Variants in ANO3 observed in about 807,000 individuals in gnomAD.
The protein encoded by ANO3 is anoctamin 3.
ANO3 carries 99 observed loss-of-function variants against 144.8 expected under a neutral mutation model. The observed-to-expected ratio is 0.68, with a 90% CI of 0.58 to 0.81. The LOEUF is 0.81. ANO3 is among the 30% of genes least tolerant of loss of function. The pLI, the probability that ANO3 is intolerant of heterozygous loss-of-function variation, is 0.00. For synonymous variants in ANO3, 414 were observed against 392.6 expected, an observed-to-expected ratio of 1.05 and a Z score of -0.64; for missense variants, 905 against 1,202.2, an observed-to-expected ratio of 0.75 and a Z score of 3.66.
chr11:26,323,084 T>G (rs1960495), intron 1 of ANO3, among the ~76,000 whole-genome samples: 1 of 152,072 alleles, frequency 6.6e-6, no homozygotes, highest in South Asian at 2.1e-4. Context: ...CTTTGACTGC[T>G]TTCATCAATT....
chr11:26,375,723 G>A (rs1335106340), intron 1 of ANO3, among the ~76,000 whole-genome samples: 1 of 152,122 alleles, frequency 6.6e-6, no homozygotes, highest in East Asian at 1.9e-4. Context: ...ATATGCATGA[G>A]GCAATAAGAG....
intron 17 of ANO3, among the ~76,000 whole-genome samples, chr11:26,621,785 T>C (rs990650184): frequency 6.6e-6 from 1 of 152,160 alleles, no homozygotes; most frequent in Non-Finnish European, 1.5e-5. Flanking sequence ...TTAATATATA[T>C]GAATAAGAGA....
intron 1 of ANO3, among the ~76,000 whole-genome samples, chr11:26,225,274 G>A (rs1347910660): frequency 6.6e-6 from 1 of 151,984 alleles, no homozygotes; most frequent in Non-Finnish European, 1.5e-5. Context: ...TATGATTTGT[G>A]AGCCCCTTTT....
At chr11:26,531,455 T>C in intron 8 of ANO3, 119 bp downstream of exon 8, 1 of 1,163,366 alleles carries the variant, frequency 8.6e-7, no homozygotes, top group Non-Finnish European at 1.2e-6. Context: ...AACTTATCAT[T>C]GTATTAAAAT....
At chr11:26,375,023 C>T (rs1429693922) in intron 1 of ANO3, among the ~76,000 whole-genome samples, 1 of 152,114 alleles carries the variant, frequency 6.6e-6, no homozygotes, top group Non-Finnish European at 1.5e-5. Context: ...GGATTACAGG[C>T]GTGAGCCACC....
At chr11:26,545,216 G>C (rs1471436117) in intron 11 of ANO3, among the ~76,000 whole-genome samples, 4 of 152,158 alleles carry the variant, frequency 2.6e-5, no homozygotes, top group East Asian at 1.9e-4. Flanking sequence ...GTGAGAGAAA[G>C]AGGGTGTTCA....
chr11:26,258,123 A>T (rs1590219739), intron 1 of ANO3, among the ~76,000 whole-genome samples: 1 of 152,278 alleles, frequency 6.6e-6, no homozygotes, highest in East Asian at 1.9e-4. Context: ...CTAATGTCAG[A>T]TTTCAGCAGA....
intron 7 of ANO3, among the ~76,000 whole-genome samples, chr11:26,528,070 T>C (rs1035643501): frequency 6.6e-6 from 1 of 152,156 alleles, no homozygotes; most frequent in African/African-American, 2.4e-5. Context: ...TGTGATATCT[T>C]GGATTTGCAA....
intron 4 of ANO3, among the ~76,000 whole-genome samples, chr11:26,504,806 A>G (rs1226138298): frequency 1.9e-4 from 4 of 20,728 alleles, no homozygotes; most frequent in Admixed American, 1.1e-3. Flanking sequence ...GGCAGATCAC[A>G]AAGTCAGGAG....
intron 13 of ANO3, chr11:26,559,277 G>A (rs527996269): frequency 1.3e-5 from 2 of 159,748 alleles, no homozygotes; most frequent in African/African-American, 4.8e-5. Flanking sequence ...GGTTAGCTAT[G>A]GGAAATGCTG....
chr11:26,580,747 G>A (rs566928098), intron 14 of ANO3, among the ~76,000 whole-genome samples: 3 of 152,150 alleles, frequency 2.0e-5, no homozygotes, highest in Non-Finnish European at 4.4e-5. Context: ...TAAGCTATGA[G>A]CATGGATCAT....
At chr11:26,598,051 T>G (rs1469157743) in intron 14 of ANO3, among the ~76,000 whole-genome samples, 2 of 152,186 alleles carry the variant, frequency 1.3e-5, no homozygotes, top group Non-Finnish European at 2.9e-5. Context: ...TAATTTTGAA[T>G]AAGCATATGC....
intron 1 of ANO3, among the ~76,000 whole-genome samples, chr11:26,207,369 T>C (rs763260193): frequency 6.6e-6 from 1 of 152,194 alleles, no homozygotes; most frequent in Non-Finnish European, 1.5e-5. Flanking sequence ...CAGCCATAAC[T>C]CTTTTCTGTA....
At chr11:26,415,406 C>G (rs985892075) in intron 1 of ANO3, among the ~76,000 whole-genome samples, 2 of 151,934 alleles carry the variant, frequency 1.3e-5, no homozygotes, top group African/African-American at 4.8e-5. Flanking sequence ...TTCTTTTTCA[C>G]TGCAAAGGGC....
intron 1 of ANO3, among the ~76,000 whole-genome samples, chr11:26,266,762 G>A (rs1853318127): frequency 6.6e-6 from 1 of 150,886 alleles, no homozygotes; most frequent in South Asian, 2.1e-4. Context: ...AAATGCAGAT[G>A]CAGAGTGGTC....
chr11:26,364,265 T>A (rs749034036), intron 1 of ANO3, among the ~76,000 whole-genome samples: 1 of 152,160 alleles, frequency 6.6e-6, no homozygotes, highest in Non-Finnish European at 1.5e-5. Context: ...CGTCTCTGTT[T>A]GCCCTGAAGA....
intron 5 of ANO3, among the ~76,000 whole-genome samples, chr11:26,510,286 G>A (rs294021): frequency 0.67 from 102,577 of 152,012 alleles, 34,844 homozygotes; most frequent in East Asian, 0.83. Flanking sequence ...AGCCCAGCAA[G>A]TAAAATTCTG....
At position 26,443,770 on chromosome 11, in the gene ANO3, A is replaced by T. The variant is rs2134026207; in HGVS notation, c.247A>T (p.Thr83Ser). Residue 83 changes from threonine (T) to serine (S), a missense_variant, in exon 3 of 27, where the codon ACT (threonine) becomes TCT (serine). By Grantham distance (58) the Thr-to-Ser change is moderately conservative (BLOSUM62 1). Transcript: ENST00000256737. Reference protein sequence around the residue: ...ISTDKAEQVNTEENKNDSVLR... With the variant: ...ISTDKAEQVNSEENKNDSVLR... ...AGTATCTTATTTTATTTCAGTTAAT[A>T]CTGAGGAGAATAAAAACGACTCTGT... 1 of 1,457,774 alleles carries T rather than the reference A, an allele frequency of 6.9e-7. No homozygotes were observed. Among genetic ancestry groups the T allele is most frequent in the Non-Finnish European group, 9.5e-7 (1 of 1,055,888 alleles). The allele number at this position is 1,457,774 out of a possible 1,614,324, so 90.3% of individuals were successfully genotyped here. A position where few individuals can be genotyped will look rare whatever the true frequency, so the allele number is the denominator to read the frequency against.
At chr11:26,341,172 A>G (rs981192608) in intron 1 of ANO3, among the ~76,000 whole-genome samples, 2 of 151,136 alleles carry the variant, frequency 1.3e-5, no homozygotes, top group Admixed American at 6.6e-5. Flanking sequence ...TTTGCAAAAC[A>G]GCGGGCTTTG....
Sources: allele counts gnomAD v4.1 joint callset (sites outside exome capture counted in the v4.1 genomes callset), GRCh38; gene constraint gnomAD v4.1.1; transcripts MANE v1.5; gene names NCBI Gene and HGNC (gene_info 2026-07-23, HGNC 2026-07-21).